TRDN: variants seen among roughly 807,000 people sequenced by gnomAD.
TRDN encodes the protein triadin.
Under a neutral mutation model 149.7 loss-of-function variants are expected in TRDN, and 161 were observed. That is an observed-to-expected ratio of 1.08 (90% confidence interval 0.95 to 1.23). TRDN has a LOEUF of 1.23. TRDN is among the 50% of genes most tolerant of loss of function. TRDN has a pLI of 0.00. For synonymous variants in TRDN, 294 were observed against 250.5 expected, an observed-to-expected ratio of 1.17 and a Z score of -1.64; for missense variants, 896 against 823.5, an observed-to-expected ratio of 1.09 and a Z score of -1.08.
chr6:123,544,448 T>C (rs762838500), intron 4 of TRDN, among the ~76,000 whole-genome samples: 10 of 152,046 alleles, frequency 6.6e-5, no homozygotes, highest in Admixed American at 1.3e-4. Context: ...TAGGAAAACA[T>C]TCAAATGACA....
chr6:123,578,810 C>T (rs942666964), intron 1 of TRDN, among the ~76,000 whole-genome samples: 2 of 151,976 alleles, frequency 1.3e-5, no homozygotes, highest in African/African-American at 4.8e-5. Context: ...TTTGTTTTGC[C>T]TTCTCTGTTT....
intron 1 of TRDN, among the ~76,000 whole-genome samples, chr6:123,585,476 C>T (rs772833029): frequency 1.4e-4 from 22 of 152,174 alleles, no homozygotes; most frequent in Non-Finnish European, 2.6e-4. Context: ...ACAGACTTAT[C>T]CTTCACTGTT....
rs753946797 is a variant in TRDN at position 123,388,501 on chromosome 6, G to T, written c.1135+21C>A. On this transcript the variant is annotated intron_variant, in intron 14 of 40. Transcript: ENST00000334268. Reference sequence around the variant, plus strand: ...AAATTGTACTCACAAAAGGCTCAGTGGGATTTTGCATAAAACATACCTTCC... The same window carrying T: ...AAATTGTACTCACAAAAGGCTCAGTTGGATTTTGCATAAAACATACCTTCC... The T allele has an allele frequency of 3.2e-6, 5 of 1,581,952 alleles. No individual in the cohort carries two copies. The South Asian group carries it at 4.6e-5, about 15-fold the overall frequency.
chr6:123,612,652 G>C (rs1452242687), intron 1 of TRDN, among the ~76,000 whole-genome samples: 1 of 152,028 alleles, frequency 6.6e-6, no homozygotes, highest in South Asian at 2.1e-4. Context: ...ATCCTTCCAC[G>C]TCAGGCTCCC....
chr6:123,450,870 A>G (rs1158854962), intron 10 of TRDN, among the ~76,000 whole-genome samples: 1 of 152,176 alleles, frequency 6.6e-6, no homozygotes, highest in Non-Finnish European at 1.5e-5. Flanking sequence ...GCCTCAATAA[A>G]TTTAAGAAAA....
chr6:123,516,297 T>A (rs529904915), intron 5 of TRDN, 91 bp from the exon 6 acceptor site: 2 of 1,292,762 alleles, frequency 1.5e-6, no homozygotes, highest in East Asian at 6.5e-5. Flanking sequence ...AAAATTTATC[T>A]TCTGTTTTTA....
chr6:123,350,930 T>A (rs1233360137), intron 21 of TRDN: 1 of 985,004 alleles, frequency 1.0e-6, no homozygotes, highest in South Asian at 4.7e-5. Flanking sequence ...TCCAGTCTCT[T>A]GTCCACTAGA....
intron 10 of TRDN, among the ~76,000 whole-genome samples, chr6:123,451,561 T>C (rs1775773714): frequency 6.6e-6 from 1 of 151,930 alleles, no homozygotes; most frequent in Non-Finnish European, 1.5e-5. Context: ...AAGAATTAGA[T>C]ACCCTAAGCA....
chr6:123,466,143 C>T (rs1776797581), intron 9 of TRDN, among the ~76,000 whole-genome samples: 1 of 152,048 alleles, frequency 6.6e-6, no homozygotes, highest in Admixed American at 6.6e-5. Context: ...AGAAAAATAT[C>T]CATTCATAAT....
At chr6:123,252,315 A>T in intron 38 of TRDN, 97 bp downstream of exon 38, 2 of 742,446 alleles carry the variant, frequency 2.7e-6, no homozygotes, top group Non-Finnish European at 4.3e-6. Flanking sequence ...AATAAACTAT[A>T]CTGAACACTT....
intron 12 of TRDN, among the ~76,000 whole-genome samples, chr6:123,433,599 A>G (rs1336519072): frequency 1.3e-5 from 2 of 152,118 alleles, no homozygotes; most frequent in Non-Finnish European, 2.9e-5. Flanking sequence ...TGTGGTTTTA[A>G]TATCCTTCTT....
chr6:123,407,654 C>CT (rs138743699), intron 12 of TRDN, among the ~76,000 whole-genome samples: 3,070 of 151,814 alleles, frequency 0.02, 38 homozygotes, highest in Middle Eastern at 0.048. Context: ...TACTCTTTCT[C>CT]TTTTTTTTGT....
At chr6:123,271,385 G>A (rs538351161) in intron 29 of TRDN, among the ~76,000 whole-genome samples, 199 bp from the exon 30 acceptor site, 1 of 152,030 alleles carries the variant, frequency 6.6e-6, no homozygotes, top group Admixed American at 6.6e-5. Context: ...GTCCTTTGCA[G>A]CTATCTTGCT....
chr6:123,372,079 G>A (rs1781346541), intron 19 of TRDN, among the ~76,000 whole-genome samples: 1 of 152,008 alleles, frequency 6.6e-6, no homozygotes, highest in Non-Finnish European at 1.5e-5. Context: ...GTGGTCTAGA[G>A]ACAACTCATT....
intron 10 of TRDN, among the ~76,000 whole-genome samples, chr6:123,444,713 G>A (rs1263235980): frequency 6.6e-6 from 1 of 152,098 alleles, no homozygotes; most frequent in East Asian, 1.9e-4. Flanking sequence ...CTAATTTATT[G>A]AGAGTTTTTA....
chr6:123,362,892 T>C (rs192241930), intron 20 of TRDN, among the ~76,000 whole-genome samples: 1 of 152,214 alleles, frequency 6.6e-6, no homozygotes, highest in African/African-American at 2.4e-5. Context: ...GGTGAGTAAA[T>C]ATGAAAATGA....
At chr6:123,298,731 T>TTG (rs1778299061) in intron 24 of TRDN, among the ~76,000 whole-genome samples, 2 of 152,046 alleles carry the variant, frequency 1.3e-5, no homozygotes, top group Admixed American at 1.3e-4. Flanking sequence ...TAACAATTCA[T>TTG]CAAAATACTG....
At chr6:123,358,819 T>C (rs766441330) in intron 20 of TRDN, among the ~76,000 whole-genome samples, 3 of 152,050 alleles carry the variant, frequency 2.0e-5, no homozygotes, top group Non-Finnish European at 2.9e-5. Flanking sequence ...GAGACTTACC[T>C]GGAGGAGAAG....
At chr6:123,601,813 C>A (rs1229538395) in intron 1 of TRDN, among the ~76,000 whole-genome samples, 1 of 152,084 alleles carries the variant, frequency 6.6e-6, no homozygotes, top group Non-Finnish European at 1.5e-5. Flanking sequence ...TACATTTGTG[C>A]AACACTTCAG....
Sources: allele counts gnomAD v4.1 joint callset (sites outside exome capture counted in the v4.1 genomes callset), GRCh38; gene constraint gnomAD v4.1.1; transcripts MANE v1.5; gene names NCBI Gene and HGNC (gene_info 2026-07-23, HGNC 2026-07-21).